The following CTNNA3 variants were observed in gnomAD, a reference collection of about 807,000 sequenced individuals.
CTNNA3 encodes the protein catenin alpha-3.
In CTNNA3, 76 loss-of-function variants were observed where a neutral mutation model predicts 95.7. The observed-to-expected ratio is 0.79, with a 90% CI of 0.66 to 0.96. The LOEUF (loss-of-function observed/expected upper bound fraction) is 0.96, where lower values mean the gene tolerates loss of function less well. Among genes scored for constraint, CTNNA3 ranks in the 40% least tolerant of loss-of-function variants. The pLI is 0.00. For missense variants in CTNNA3, 1,191 were observed against 1,089.8 expected (o/e 1.09, Z -1.31); for synonymous variants, 431 against 374.4 (o/e 1.15, Z -1.74).
intron 9 of CTNNA3, among the ~76,000 whole-genome samples, chr10:66,750,997 T>C (rs1589214035): frequency 1.3e-5 from 2 of 152,214 alleles, no homozygotes; most frequent in East Asian, 1.9e-4. Context: ...AGGCTGGGCG[T>C]GGTGGCTCAT....
At chr10:67,225,220 C>A (rs1250610605) in intron 5 of CTNNA3, among the ~76,000 whole-genome samples, 1 of 152,158 alleles carries the variant, frequency 6.6e-6, no homozygotes, top group Non-Finnish European at 1.5e-5. Context: ...CACAGCAAGA[C>A]CCACCCAAGG....
chr10:66,048,642 T>A (rs1456033870), intron 15 of CTNNA3, among the ~76,000 whole-genome samples: 1 of 152,076 alleles, frequency 6.6e-6, no homozygotes, highest in East Asian at 1.9e-4. Context: ...GTGCCTGTAG[T>A]CCCAGCTACT....
chr10:67,237,964 G>A (rs1017482328), intron 5 of CTNNA3, among the ~76,000 whole-genome samples: 1 of 152,096 alleles, frequency 6.6e-6, no homozygotes, highest in Admixed American at 6.5e-5. Flanking sequence ...AAATTTTTAG[G>A]AGGTACAAAT....
intron 9 of CTNNA3, among the ~76,000 whole-genome samples, chr10:66,757,918 G>A (rs1839432534): frequency 6.6e-6 from 1 of 152,024 alleles, no homozygotes; most frequent in African/African-American, 2.4e-5. Flanking sequence ...GGTAATAATA[G>A]TATTTATCTC....
At chr10:66,110,645 AT>A (rs2082088293) in intron 13 of CTNNA3, among the ~76,000 whole-genome samples, 1 of 152,168 alleles carries the variant, frequency 6.6e-6, no homozygotes, top group Non-Finnish European at 1.5e-5. Flanking sequence ...TTTATCTTTT[AT>A]TCATAATGAG....
chr10:67,092,003 T>G (rs796855935), intron 7 of CTNNA3, among the ~76,000 whole-genome samples: 12 of 152,104 alleles, frequency 7.9e-5, no homozygotes, highest in African/African-American at 2.6e-4. Context: ...TGAAAACCCC[T>G]TAAGTTTAGT....
intron 5 of CTNNA3, among the ~76,000 whole-genome samples, chr10:67,481,606 A>G (rs1174574127): frequency 1.3e-5 from 2 of 152,212 alleles, no homozygotes; most frequent in East Asian, 3.8e-4. Context: ...GATCTCTACA[A>G]GGAGAACTAC....
intron 9 of CTNNA3, among the ~76,000 whole-genome samples, chr10:66,658,401 A>G (rs1045344921): frequency 6.6e-6 from 1 of 152,198 alleles, no homozygotes; most frequent in African/African-American, 2.4e-5. Flanking sequence ...AATTTAAGTG[A>G]TGTGATAATC....
intron 13 of CTNNA3, among the ~76,000 whole-genome samples, chr10:66,180,623 A>C (rs2085988978): frequency 6.6e-6 from 1 of 152,210 alleles, no homozygotes; most frequent in Non-Finnish European, 1.5e-5. Flanking sequence ...TGCAGTTTTC[A>C]CAAGAAATAA....
Position 66,263,192 on chromosome 10 carries a change from T to C in CTNNA3, c.1884+17278A>G, listed in dbSNP as rs2091056655. Among the ~76,000 whole-genome samples the C allele has an allele frequency of 5.3e-5, 8 of 152,040 alleles. No homozygotes were observed. The South Asian group carries it at 1.7e-3, about 32-fold the overall frequency. ...TAACAGAACACAGCAGGGGGAAGCA[T>C]TCTGCAGAGCATATTGGAACAAAGC... On this transcript the variant is annotated intron_variant, in intron 13 of 17. Coordinates refer to ENST00000433211, the MANE Select transcript of CTNNA3 (RefSeq NM_013266.4).
At chr10:66,529,444 T>TCTG (rs1554812158) in intron 10 of CTNNA3, among the ~76,000 whole-genome samples, 7 of 96,678 alleles carry the variant, frequency 7.2e-5, no homozygotes, top group African/African-American at 2.7e-4. Flanking sequence ...ACAGTGTTTT[T>TCTG]TTTTTGTTTT....
intron 1 of CTNNA3, among the ~76,000 whole-genome samples, chr10:67,649,232 T>C: frequency 6.6e-6 from 1 of 152,222 alleles, no homozygotes. Flanking sequence ...AAAATAAAAT[T>C]TGGTGAACCT....
intron 11 of CTNNA3, among the ~76,000 whole-genome samples, chr10:66,418,480 A>G (rs989199581): frequency 1.3e-5 from 2 of 151,292 alleles, no homozygotes; most frequent in Non-Finnish European, 2.9e-5. Context: ...AACTACTCCA[A>G]AAAATTGTAG....
chr10:67,032,393 C>T (rs1297587924), intron 7 of CTNNA3, among the ~76,000 whole-genome samples: 2 of 151,912 alleles, frequency 1.3e-5, no homozygotes, highest in Admixed American at 1.3e-4. Flanking sequence ...ATTTCGCCTC[C>T]AATAAAATCA....
intron 12 of CTNNA3, among the ~76,000 whole-genome samples, chr10:66,337,823 C>A (rs1270875773): frequency 6.6e-6 from 1 of 152,032 alleles, no homozygotes; most frequent in Non-Finnish European, 1.5e-5. Context: ...GGTGCAGCCA[C>A]TTTGGAAAAC....
At chr10:66,101,853 G>C (rs1221581054) in intron 14 of CTNNA3, among the ~76,000 whole-genome samples, 1 of 152,128 alleles carries the variant, frequency 6.6e-6, no homozygotes, top group East Asian at 1.9e-4. Context: ...CATTCTTAGG[G>C]AATAGAAATC....
intron 13 of CTNNA3, among the ~76,000 whole-genome samples, chr10:66,276,986 A>G (rs2091411953): frequency 6.6e-6 from 1 of 152,098 alleles, no homozygotes; most frequent in South Asian, 2.1e-4. Flanking sequence ...TAATAGTTGT[A>G]TAATTTACAC....
intron 17 of CTNNA3, among the ~76,000 whole-genome samples, chr10:65,930,584 T>C (rs2077237574): frequency 1.3e-5 from 2 of 152,204 alleles, no homozygotes; most frequent in Non-Finnish European, 2.9e-5. Context: ...ATTTTTAGTA[T>C]GTCGTGATTT....
At chr10:67,648,799 C>CT in intron 1 of CTNNA3, 1 of 1,289,108 alleles carries the variant, frequency 7.8e-7, no homozygotes, top group African/African-American at 1.5e-5. Context: ...AACATGGTCT[C>CT]TTTTCTCAGC....
Sources: gnomAD v4.1 joint callset for allele counts (sites outside exome capture counted in the v4.1 genomes callset) on GRCh38, gnomAD v4.1.1 for gene constraint, MANE v1.5 for transcripts, NCBI Gene and HGNC (gene_info 2026-07-23, HGNC 2026-07-21) for gene names.